The following USP35 variants were observed in gnomAD, a reference collection of about 807,000 sequenced individuals.
USP35 encodes the protein ubiquitin specific peptidase 35.
A neutral mutation model predicts 83.8 loss-of-function variants in USP35; 69 were observed. The observed-to-expected ratio is 0.82, with a 90% CI of 0.68 to 1.01. The LOEUF (loss-of-function observed/expected upper bound fraction) is 1.01. Ranked by LOEUF, USP35 falls within the 50% of genes least tolerant of loss-of-function variation. The pLI, the probability that USP35 is intolerant of heterozygous loss-of-function variation, is 0.00. For synonymous variants in USP35, 714 were observed against 589.5 expected, an observed-to-expected ratio of 1.21 and a Z score of -3.06; for missense variants, 1,503 against 1,362.5, an observed-to-expected ratio of 1.10 and a Z score of -1.62.
chr11:78,196,991 G>C lies in USP35; in HGVS notation c.673+73G>C. The C allele has an allele frequency of 2.1e-6, 3 of 1,404,530 alleles. No homozygotes were observed. The highest frequency in any genetic ancestry group is 2.8e-6 in the Non-Finnish European group (3 of 1,084,058). 87.0% of individuals were successfully genotyped at this position (1,404,530 alleles called of 1,614,324 possible). A position where few individuals can be genotyped will look rare whatever the true frequency, so the allele number is the denominator to read the frequency against. The stretch of plus-strand genomic sequence containing the variant: ...TGGGCGCTTGGGTAGGTGGCTGTAC[G>C]TGTGGATTTGTGCATGCGGGCGCCC... On this transcript the variant is annotated intron_variant, in intron 2 of 10. Coordinates refer to ENST00000529308, the MANE Select transcript of USP35 (RefSeq NM_020798.4). The surrounding 1 kb of genome is among the most constrained non-coding windows in gnomAD (Gnocchi z 4.8).
chr11:78,230,195 G>C, the USP35 span, among the ~76,000 whole-genome samples: 1 of 152,162 alleles, frequency 6.6e-6, no homozygotes, highest in Admixed American at 6.5e-5. Flanking sequence ...CTTTTCCTGG[G>C]CTTGGCCCAA....
chr11:78,217,211 T>A (rs1003880853), downstream of USP35: 1 of 152,412 alleles, frequency 6.6e-6, no homozygotes, highest in African/African-American at 2.4e-5. Context: ...GAAGTCTCTG[T>A]CTGATGGCCA....
chr11:78,217,328 G>C (rs1188758599), downstream of USP35: 1 of 152,178 alleles, frequency 6.6e-6, no homozygotes, highest in East Asian at 1.9e-4. Flanking sequence ...CCAGAAACTG[G>C]AGACAGCAGC....
At chr11:78,219,187 G>C, downstream of USP35, 1 of 1,279,680 alleles carries the variant, frequency 7.8e-7, no homozygotes, top group Non-Finnish European at 1.1e-6. Flanking sequence ...AGGTGGATGG[G>C]AGGAAGAACG....
the USP35 span, chr11:78,227,099 C>T: frequency 1.5e-5 from 19 of 1,277,168 alleles, no homozygotes; most frequent in South Asian, 2.4e-5. Flanking sequence ...CAATTACTAG[C>T]TGTGTGACCT....
At chr11:78,225,259 ACCCATAC>A in the USP35 span, 1 of 1,132,438 alleles carries the variant, frequency 8.8e-7, no homozygotes, top group Non-Finnish European at 1.3e-6. Context: ...GTTGACACTT[ACCCATAC>A]CCTCACCAGT....
chr11:78,198,144 G>A, intron 3 of USP35, 76 bp downstream of exon 3: 1 of 1,592,550 alleles, frequency 6.3e-7, no homozygotes, highest in East Asian at 2.2e-5. Context: ...CTTCTCCTGG[G>A]TGGGCCGCTG....
the USP35 span, among the ~76,000 whole-genome samples, chr11:78,235,472 A>G: frequency 0.012 from 1,870 of 152,136 alleles, 20 homozygotes; most frequent in Middle Eastern, 0.02. Context: ...TTTCTATCAC[A>G]TCGTCAGGTG....
In USP35 at chr11:78,210,499, G is replaced by T. The variant is rs752090765; in HGVS notation, c.2644G>T (p.Asp882Tyr). ...CCCTGCCGCTTCTCTGGGAACTGCC[G>T]ATAGGCCAGAGCCCGAGAACCAGTG... ...ARPAASLGTA[D>Y]RPEPENQWYL... Residue 882 changes from aspartate to tyrosine, a missense_variant, in exon 10 of 11, where the codon GAT (aspartate) becomes TAT (tyrosine). By Grantham distance (160) the Asp-to-Tyr change is radical (BLOSUM62 -3). Coordinates refer to ENST00000529308, the MANE Select transcript of USP35 (RefSeq NM_020798.4). 1 of 1,614,134 alleles carries T rather than the reference G, an allele frequency of 6.2e-7. No homozygotes were observed. The highest frequency in any genetic ancestry group is 1.1e-5 in the South Asian group (1 of 91,080).
chr11:78,200,845 C>A, intron 6 of USP35, 37 bp downstream of exon 6: 1 of 1,563,872 alleles, frequency 6.4e-7, no homozygotes, highest in Non-Finnish European at 8.7e-7. Flanking sequence ...TTGCCCCACT[C>A]TGACAAAGGT....
rs547989097 is a variant in USP35, at chr11:78,208,769, G to A, written c.1486-88G>A. 4 of 1,408,692 alleles carry A rather than the reference G, an allele frequency of 2.8e-6. No individual in the cohort carries two copies. In the South Asian group the frequency reaches 4.8e-5, roughly 17 times the overall value. 87.3% of individuals were successfully genotyped at this position (1,408,692 alleles called of 1,614,324 possible). ...CCAGGAAGTTTGAGGCCGAGGGAAT[G>A]AGGTAGACCCTCAGGCCTAACCTGT... On this transcript the variant is annotated intron_variant, in intron 8 of 10. Transcript: ENST00000529308.
chr11:78,206,421 C>A (rs928608248), intron 7 of USP35, among the ~76,000 whole-genome samples: 1 of 152,166 alleles, frequency 6.6e-6, no homozygotes, highest in Non-Finnish European at 1.5e-5. Flanking sequence ...AGTCTATGGC[C>A]ACCTATCTAC....
chr11:78,213,878 GGAGGCAGGCCCTACCAA>G lies in USP35; in HGVS notation c.*70_*86del. 6.6e-7 allele frequency: 1 copy of G among 1,514,048 alleles called. No homozygotes were observed. The highest frequency in any genetic ancestry group is 2.6e-5 in the East Asian group (1 of 37,968). The allele number at this position is 1,514,048 out of a possible 1,614,324, so 93.8% of individuals were successfully genotyped here. On this transcript the variant is annotated 3_prime_UTR_variant, in exon 11 of 11. Transcript: ENST00000529308. ...CCAGGTAGGGCCTGAGGGAAGCTGT[GGAGGCAGGCCCTACCAA>G]GAGGAAGGATGGTACAGCTCATGGC... is the stretch of plus-strand genomic sequence containing the variant.
the USP35 span, chr11:78,226,620 G>GGGGGGGGGGGGGGGGGCCC: frequency 6.7e-7 from 1 of 1,500,466 alleles, no homozygotes; most frequent in Non-Finnish European, 9.3e-7. Context: ...GCGGGGTGGG[G>GGGGGGGGGGGGGGGGGCCC]GAGCTATGGC....
Position 78,210,129 on chromosome 11 carries a change from C to T in USP35, c.2274C>T (p.Ser758=), listed in dbSNP as rs759135818. The T allele has an allele frequency of 7.4e-6, 12 of 1,613,632 alleles. No homozygotes were observed. Among genetic ancestry groups the T allele is most frequent in the East Asian group, 4.5e-5 (2 of 44,870 alleles). ...SGERTCGSEG[S]RSVLDLVNYF... is the part of the protein sequence containing the mutation. ...AGCGGACATGTGGCTCTGAGGGCTC[C>T]CGCTCCGTCCTGGACCTGGTTAACT... Residue 758 remains serine, a synonymous_variant, in exon 10 of 11, where the codon TCC becomes TCT. Transcript: ENST00000529308.
At chr11:78,207,278 G>A in intron 7 of USP35, 1 of 409,716 alleles carries the variant, frequency 2.4e-6, no homozygotes, top group Non-Finnish European at 4.4e-6. Flanking sequence ...AGAGCTGGAA[G>A]GGGCTACAAG....
chr11:78,223,666 AT>A, the USP35 span: 1 of 1,598,628 alleles, frequency 6.3e-7, no homozygotes, highest in Non-Finnish European at 8.5e-7. Flanking sequence ...GCCCACAATC[AT>A]TTTCCCTGGC....
intron 1 of USP35, among the ~76,000 whole-genome samples, chr11:78,194,784 A>C (rs952040917): frequency 6.6e-6 from 1 of 152,224 alleles, no homozygotes; most frequent in East Asian, 1.9e-4. Context: ...TCTGCTGGGC[A>C]CTGTGCTAGG....
Position 78,213,864 on chromosome 11 carries a change from C to CTGAGGGAAGCTGT in USP35, c.*52_*64dup. 2 of 1,523,072 alleles carry CTGAGGGAAGCTGT rather than the reference C, an allele frequency of 1.3e-6. No homozygotes were observed. Among genetic ancestry groups the CTGAGGGAAGCTGT allele is most frequent in the Non-Finnish European group, 8.7e-7 (1 of 1,147,240 alleles). The allele number at this position is 1,523,072 out of a possible 1,614,324, so 94.3% of individuals were successfully genotyped here. On this transcript the variant is annotated 3_prime_UTR_variant, in exon 11 of 11. Coordinates refer to ENST00000529308, the MANE Select transcript of USP35 (RefSeq NM_020798.4). ...CTTCCCTCCAGGAGCCAGGTAGGGC[C>CTGAGGGAAGCTGT]TGAGGGAAGCTGTGGAGGCAGGCCC...
Sources: allele counts gnomAD v4.1 joint callset (sites outside exome capture counted in the v4.1 genomes callset), GRCh38; gene constraint gnomAD v4.1.1; non-coding constraint Gnocchi (gnomAD v3.1); transcripts MANE v1.5; gene names NCBI Gene and HGNC (gene_info 2026-07-23, HGNC 2026-07-21).